The following EDN3 variants were observed in gnomAD, a reference collection of about 807,000 sequenced individuals.
EDN3 encodes the protein endothelin-3.
Under a neutral mutation model 21.4 loss-of-function variants are expected in EDN3, and 9 were observed. The observed-to-expected ratio is 0.42, with a 90% confidence interval of 0.25 to 0.73. EDN3 has a LOEUF of 0.73. Ranked by LOEUF, EDN3 falls within the 30% of genes least tolerant of loss-of-function variation. The pLI, the probability that EDN3 is intolerant of heterozygous loss-of-function variation, is 0.26. For synonymous variants in EDN3, 133 were observed against 126.2 expected (o/e 1.05, Z -0.36); for missense variants, 327 against 309.4 (o/e 1.06, Z -0.43).
Position 59,322,963 on chromosome 20 carries a change from A to C in EDN3, c.588+546A>C, listed in dbSNP as rs1990641425. Among the ~76,000 whole-genome samples the C allele has an allele frequency of 6.6e-6, 1 of 152,094 alleles. No individual in the cohort carries two copies. ...TTAACCCACTTGTCTTTTTTGTATG[A>C]GAGATCCTGAGGGTTTCCTGCAGTC... On this transcript the variant is annotated intron_variant, in intron 4 of 4. Transcript: ENST00000337938. This position sits in a 1 kb window ranked among gnomAD's most constrained non-coding sequence, Gnocchi z 4.1.
chr20:59,315,916 A>T (rs1487182919), intron 2 of EDN3, among the ~76,000 whole-genome samples: 2 of 152,248 alleles, frequency 1.3e-5, no homozygotes, highest in African/African-American at 4.8e-5. Flanking sequence ...AAAAAACACT[A>T]TGGTTCACGC....
chr20:59,306,991 A>C (rs1989476485), intron 2 of EDN3, among the ~76,000 whole-genome samples: 1 of 152,190 alleles, frequency 6.6e-6, no homozygotes, highest in African/African-American at 2.4e-5. Context: ...CTAAAAATAC[A>C]AAAAATAGCC....
chr20:59,317,426 A>T (rs906779391), intron 2 of EDN3, among the ~76,000 whole-genome samples: 2 of 152,162 alleles, frequency 1.3e-5, no homozygotes, highest in Non-Finnish European at 2.9e-5. Flanking sequence ...CTGTTTGCTT[A>T]TGGCACTTTG....
At chr20:59,320,844 G>T (rs746977067) in intron 2 of EDN3, among the ~76,000 whole-genome samples, 173 bp from the exon 3 acceptor site, 2 of 152,200 alleles carry the variant, frequency 1.3e-5, no homozygotes, top group Admixed American at 6.5e-5. Flanking sequence ...AGGGCAGGGG[G>T]TGCACAGTTC....
intron 1 of EDN3, 101 bp downstream of exon 1, chr20:59,300,965 A>G: frequency 7.1e-7 from 1 of 1,406,008 alleles, no homozygotes; most frequent in Non-Finnish European, 9.7e-7. Flanking sequence ...CGCGGGGAGC[A>G]AACTCTTGCC....
At position 59,301,658 on chromosome 20, in the gene EDN3, A is replaced by T; in HGVS notation, c.301A>T (p.Thr101Ser). 1 of 1,614,176 alleles carries T rather than the reference A, an allele frequency of 6.2e-7. No homozygotes were observed. The highest frequency in any genetic ancestry group is 2.2e-5 in the East Asian group (1 of 44,876). Residue 101 changes from threonine to serine, a missense_variant, in exon 2 of 5, where the codon ACC (threonine) becomes TCC (serine). Transcript: ENST00000337938. ...CCGATCCAGGCGCTGCACGTGCTTC[A>T]CCTACAAGGACAAGGAGTGTGTCTA... The part of the protein sequence containing the change: ...HHRSRRCTCF[T>S]YKDKECVYYC...
At chr20:59,323,749 C>T in intron 4 of EDN3, 1 of 412,178 alleles carries the variant, frequency 2.4e-6, no homozygotes, top group Non-Finnish European at 4.3e-6. Flanking sequence ...AGTGCAAACG[C>T]CCTAGAGTGT....
rs1273279645 is a variant in EDN3, at chr20:59,322,512, ATCTGG to A, written c.588+103_588+107del. The A allele has an allele frequency of 6.5e-7, 1 of 1,540,814 alleles. No individual in the cohort carries two copies. The highest frequency in any genetic ancestry group is 9.0e-7 in the Non-Finnish European group (1 of 1,117,082). ...GTGGAGGGTGTTTTGAGGGGATGGC[ATCTGG>A]TCTGGTCCAGTGGGAACCCCAGATC... is the stretch of plus-strand genomic sequence containing the variant. On this transcript the variant is annotated intron_variant, in intron 4 of 4. Transcript: ENST00000337938. The surrounding 1 kb of genome is among the most constrained non-coding windows in gnomAD (Gnocchi z 4.1).
chr20:59,320,963 C>T (rs1990496510), intron 2 of EDN3, 54 bp from the exon 3 acceptor site: 1 of 1,608,620 alleles, frequency 6.2e-7, no homozygotes, highest in East Asian at 2.2e-5. Flanking sequence ...CCTTGGGGGC[C>T]CCTGAGCAGG....
chr20:59,307,797 C>T (rs1600728365), intron 2 of EDN3, among the ~76,000 whole-genome samples: 1 of 152,126 alleles, frequency 6.6e-6, no homozygotes, highest in African/African-American at 2.4e-5. Context: ...CCACCTCAGC[C>T]TCCCGAGTAG....
rs538954271 is a variant in EDN3, at chr20:59,307,275, A to G, written c.365+5553A>G. ...GGAAAGGGGTCATGAATAGTCTGCT[A>G]CTAATCATGGATGGTGAGGATGGCT... On this transcript the variant is annotated intron_variant, in intron 2 of 4. Transcript: ENST00000337938. Among the ~76,000 whole-genome samples, 5 of 118,088 alleles carry G rather than the reference A, an allele frequency of 4.2e-5. No individual in the cohort carries two copies. In the South Asian group the frequency reaches 8.1e-4, roughly 19 times the overall value. The allele number at this position is 118,088 out of a possible 152,430, so 77.5% of individuals were successfully genotyped here. A position where few individuals can be genotyped will look rare whatever the true frequency, so the allele number is the denominator to read the frequency against.
At chr20:59,310,224 A>T (rs1989707368) in intron 2 of EDN3, among the ~76,000 whole-genome samples, 1 of 152,176 alleles carries the variant, frequency 6.6e-6, no homozygotes, top group African/African-American at 2.4e-5. Flanking sequence ...GTTCCAGTGT[A>T]TTGGAAGTGG....
At chr20:59,300,997 C>A in intron 1 of EDN3, 133 bp downstream of exon 1, 1 of 1,097,552 alleles carries the variant, frequency 9.1e-7, no homozygotes, top group Non-Finnish European at 1.3e-6. Flanking sequence ...CTCGTGAAGA[C>A]GCCTGGGGGA....
chr20:59,317,793 G>A (rs958787402), intron 2 of EDN3, among the ~76,000 whole-genome samples: 2 of 152,124 alleles, frequency 1.3e-5, no homozygotes, highest in African/African-American at 2.4e-5. Flanking sequence ...ATCCTGTCTC[G>A]CCAGACTAGA....
chr20:59,303,696 A>C (rs1989203417), intron 2 of EDN3, among the ~76,000 whole-genome samples: 1 of 152,106 alleles, frequency 6.6e-6, no homozygotes, highest in Admixed American at 6.6e-5. Flanking sequence ...ATCTGTTTAA[A>C]ATTCTGTCTC....
intron 2 of EDN3, among the ~76,000 whole-genome samples, chr20:59,306,425 G>A (rs560293848): frequency 7.5e-4 from 114 of 151,962 alleles, no homozygotes; most frequent in African/African-American, 2.6e-3. Flanking sequence ...GACATCAGCC[G>A]CTCCAGGACA....
Position 59,310,916 on chromosome 20 carries a change from A to G in EDN3, c.365+9194A>G, listed in dbSNP as rs540911044. The stretch of plus-strand genomic sequence containing the variant: ...CTGGATTTTTAGGAATCTGATTTCC[A>G]TGGGTCTCTTGCAGGGCTGAGAATA... On this transcript the variant is annotated intron_variant, in intron 2 of 4. Transcript: ENST00000337938. 4.6e-4 allele frequency among the ~76,000 whole-genome samples: 70 copies of G among 152,228 alleles called. No homozygotes were observed. The South Asian group carries it at 5.8e-3, about 13-fold the overall frequency.
Position 59,300,872 on chromosome 20 carries a change from C to T in EDN3, c.52+8C>T. On this transcript the variant is annotated splice_region_variant and intron_variant, in intron 1 of 4. Coordinates refer to ENST00000337938, the MANE Select transcript of EDN3 (RefSeq NM_207034.3). ...CAGTGACCTCCGCCGCAGGTAAGCG[C>T]ACGGGGCGGCGCGCCTCTCCTGGCG... 4 of 1,610,252 alleles carry T rather than the reference C, an allele frequency of 2.5e-6. No homozygotes were observed. Among genetic ancestry groups the T allele is most frequent in the Non-Finnish European group, 3.4e-6 (4 of 1,179,402 alleles).
At chr20:59,312,110 A>G (rs1989866431) in intron 2 of EDN3, among the ~76,000 whole-genome samples, 1 of 151,748 alleles carries the variant, frequency 6.6e-6, no homozygotes, top group Admixed American at 6.6e-5. Context: ...TTCTCTTTCC[A>G]CTGCTGGGAA....
Sources: gnomAD v4.1 joint callset for allele counts (sites outside exome capture counted in the v4.1 genomes callset) on GRCh38, gnomAD v4.1.1 for gene constraint, Gnocchi (gnomAD v3.1) non-coding constraint, MANE v1.5 for transcripts, NCBI Gene and HGNC (gene_info 2026-07-23, HGNC 2026-07-21) for gene names.